The following ATXN2 variants were observed in gnomAD, a reference collection of about 807,000 sequenced individuals.
The protein encoded by ATXN2 is ataxin 2, also known as ataxin-2.
A neutral mutation model predicts 138.6 loss-of-function variants in ATXN2; 37 were observed. That is an observed-to-expected ratio of 0.27 (90% CI 0.21 to 0.35). The LOEUF is 0.35. Among genes scored for constraint, ATXN2 ranks in the 10% least tolerant of loss-of-function variants. The probability of loss-of-function intolerance (pLI) is 1.00; values close to 1 mark genes in which losing one functional copy is unlikely to be tolerated. For missense variants in ATXN2, 1,216 were observed against 1,480.3 expected, an observed-to-expected ratio of 0.82 and a Z score of 2.93; for synonymous variants, 549 against 543.7, an observed-to-expected ratio of 1.01 and a Z score of -0.13.
At chr12:111,589,388 C>G (rs1392196935) in intron 1 of ATXN2, among the ~76,000 whole-genome samples, 1 of 152,024 alleles carries the variant, frequency 6.6e-6, no homozygotes, top group African/African-American at 2.4e-5. Context: ...ATCCCAGCAC[C>G]TTGGGAGGCC....
intron 14 of ATXN2, among the ~76,000 whole-genome samples, chr12:111,495,375 A>G (rs1330800389): frequency 6.6e-6 from 1 of 151,990 alleles, no homozygotes; most frequent in Non-Finnish European, 1.5e-5. Context: ...ATAAAATCAC[A>G]CATAGACTAA....
chr12:111,537,107 C>G (rs1881230321), intron 5 of ATXN2, among the ~76,000 whole-genome samples: 1 of 151,958 alleles, frequency 6.6e-6, no homozygotes, highest in African/African-American at 2.4e-5. Flanking sequence ...TTAAAAGTCA[C>G]TGTTCGCAGC....
intron 1 of ATXN2, among the ~76,000 whole-genome samples, chr12:111,585,718 C>T (rs1884285696): frequency 7.2e-6 from 1 of 139,074 alleles, no homozygotes; most frequent in African/African-American, 2.6e-5. Context: ...AGGAGAACTG[C>T]TTGAACCTGG....
chr12:111,560,276 C>G (rs1297023472), intron 1 of ATXN2, among the ~76,000 whole-genome samples: 1 of 152,048 alleles, frequency 6.6e-6, no homozygotes, highest in Non-Finnish European at 1.5e-5. Context: ...AACTATTTAC[C>G]TAGTGTTTAC....
chr12:111,495,549 G>C (rs1189249040), intron 14 of ATXN2, among the ~76,000 whole-genome samples: 1 of 152,110 alleles, frequency 6.6e-6, no homozygotes, highest in Non-Finnish European at 1.5e-5. Context: ...GTTATAACAA[G>C]TATAAATACA....
chr12:111,544,660 G>A (rs1049904411), intron 5 of ATXN2, among the ~76,000 whole-genome samples: 1 of 152,170 alleles, frequency 6.6e-6, no homozygotes, highest in African/African-American at 2.4e-5. Context: ...CATCTAAGGG[G>A]TGTGTGAAGG....
intron 18 of ATXN2, among the ~76,000 whole-genome samples, chr12:111,476,189 G>C (rs1012608064): frequency 5.3e-5 from 8 of 152,306 alleles, no homozygotes; most frequent in African/African-American, 1.9e-4. Context: ...CTGGCCTCAA[G>C]CGATCCTCCT....
intron 1 of ATXN2, among the ~76,000 whole-genome samples, chr12:111,588,042 G>A (rs1199872323): frequency 6.6e-6 from 1 of 151,784 alleles, no homozygotes; most frequent in Non-Finnish European, 1.5e-5. Context: ...AAAAAACTAG[G>A]CAGGCACTGT....
intron 9 of ATXN2, among the ~76,000 whole-genome samples, chr12:111,517,775 T>C (rs971680005): frequency 1.3e-5 from 2 of 152,194 alleles, no homozygotes; most frequent in Non-Finnish European, 2.9e-5. Context: ...TCATGTCTTG[T>C]ATTATAAGTT....
At chr12:111,551,590 T>C (rs928084433) in intron 5 of ATXN2, among the ~76,000 whole-genome samples, 1 of 152,218 alleles carries the variant, frequency 6.6e-6, no homozygotes, top group Non-Finnish European at 1.5e-5. Flanking sequence ...TCTACCTTTC[T>C]TCCTTAGCCT....
Position 111,510,447 on chromosome 12 carries a change from G to A in ATXN2, c.1694C>T (p.Pro565Leu), listed in dbSNP as rs751620169. ...ACTAGCAGGCGTAGGAGATGCAGCT[G>A]GAATAGGCATGGCAACAGCTTCAGT... ...IPTEAVAMPI[P>L]AASPTPASPA... is the part of the protein sequence containing the mutation. The change falls in exon 12 of 25, where the codon CCA becomes CTA. Residue 565 changes from proline (P) to leucine (L), a missense_variant. Transcript: ENST00000673436. 5 of 1,614,136 alleles carry A rather than the reference G, an allele frequency of 3.1e-6. No homozygotes were observed. The East Asian group carries it at 8.9e-5, about 29-fold the overall frequency.
chr12:111,590,207 C>G (rs986114552), intron 1 of ATXN2, among the ~76,000 whole-genome samples: 1 of 152,014 alleles, frequency 6.6e-6, no homozygotes, highest in Non-Finnish European at 1.5e-5. Context: ...GAGTGAGACT[C>G]TGTCTCAAAA....
At chr12:111,496,170 A>C (rs1878409801) in intron 14 of ATXN2, among the ~76,000 whole-genome samples, 1 of 152,068 alleles carries the variant, frequency 6.6e-6, no homozygotes, top group South Asian at 2.1e-4. Context: ...ACAAACAAAC[A>C]AACAAATAAA....
Position 111,525,227 on chromosome 12 carries a change from CTG to C in ATXN2, c.659_660del (p.Thr220SerfsTer3). The C allele has an allele frequency of 6.2e-7, 1 of 1,613,618 alleles. No individual in the cohort carries two copies. ...TCCAAAGCCTCAAGTTCCTCATTGG[CTG>C]TGAGTTCACCTGCATCCCAGGGCTC... Reference protein sequence around the residue: ...DLEPWDAGELTANEELEALEN... With the variant: ...DLEPWDAGELXANEELEALEN... On this transcript the variant is annotated frameshift_variant, in exon 6 of 25. Coordinates refer to ENST00000673436, the MANE Select transcript of ATXN2 (RefSeq NM_001372574.1). LOFTEE classifies it high-confidence loss of function.
At chr12:111,500,942 C>T (rs1054354091) in intron 14 of ATXN2, among the ~76,000 whole-genome samples, 1 of 152,042 alleles carries the variant, frequency 6.6e-6, no homozygotes, top group Non-Finnish European at 1.5e-5. Context: ...TAGTATTTGA[C>T]AACAAAGCAG....
chr12:111,520,829 G>A, intron 7 of ATXN2, 53 bp downstream of exon 7: 1 of 1,015,206 alleles, frequency 9.9e-7, no homozygotes, highest in Admixed American at 2.5e-5. Flanking sequence ...AAATTAAGCT[G>A]ATGAAAATCA....
chr12:111,579,774 C>G (rs1409246501), intron 1 of ATXN2, among the ~76,000 whole-genome samples: 1 of 151,134 alleles, frequency 6.6e-6, no homozygotes, highest in South Asian at 2.1e-4. Context: ...TCTTGGTTCA[C>G]TGCAACCTCC....
intron 20 of ATXN2, chr12:111,468,594 T>C (rs1354379451): frequency 2.0e-5 from 3 of 152,092 alleles, no homozygotes; most frequent in African/African-American, 7.2e-5. Flanking sequence ...CCTATTCTCA[T>C]TAACCTACGG....
chr12:111,499,598 C>A (rs1209545826), intron 14 of ATXN2, among the ~76,000 whole-genome samples: 1 of 151,288 alleles, frequency 6.6e-6, no homozygotes, highest in African/African-American at 2.4e-5. Context: ...TGCTTGAATC[C>A]GGGAGGTGTA....
Sources: allele counts gnomAD v4.1 joint callset (sites outside exome capture counted in the v4.1 genomes callset), GRCh38; gene constraint gnomAD v4.1.1; transcripts MANE v1.5; gene names NCBI Gene and HGNC (gene_info 2026-07-23, HGNC 2026-07-21).